Variants in SYCP1 observed in about 807,000 individuals in gnomAD.
The protein encoded by SYCP1 is cancer/testis antigen 8.
Under a neutral mutation model 153.1 loss-of-function variants are expected in SYCP1, and 64 were observed. That is an observed-to-expected ratio of 0.42 (90% CI 0.34 to 0.51). The LOEUF is 0.51. Among genes scored for constraint, SYCP1 ranks in the 20% least tolerant of loss-of-function variants. The pLI, the probability that SYCP1 is intolerant of heterozygous loss-of-function variation, is 0.06. For synonymous variants in SYCP1, 384 were observed against 341.8 expected, an observed-to-expected ratio of 1.12 and a Z score of -1.36; for missense variants, 997 against 1,049.0, an observed-to-expected ratio of 0.95 and a Z score of 0.68.
At chr1:114,875,822 A>C (rs1665491241) in intron 9 of SYCP1, among the ~76,000 whole-genome samples, 1 of 152,190 alleles carries the variant, frequency 6.6e-6, no homozygotes, top group African/African-American at 2.4e-5. Context: ...CTGGTGTACC[A>C]ACAATCCATT....
intron 1 of SYCP1, 26 bp from the exon 2 acceptor site, chr1:114,855,415 C>A: frequency 1.5e-6 from 2 of 1,352,008 alleles, no homozygotes; most frequent in Non-Finnish European, 1.9e-6. Context: ...AACTTTCCTT[C>A]CCCTCCCGCC....
Position 114,910,520 on chromosome 1 carries a change from T to A in SYCP1, c.1425+19T>A. On this transcript the variant is annotated intron_variant, in intron 17 of 31. Transcript: ENST00000369522. ...CAGAGAGGTTTGTTTAAGGAAACAT[T>A]TTTATTTTAAATATTTTGTTAATAG... 6.9e-7 allele frequency: 1 copy of A among 1,442,258 alleles called. No individual in the cohort carries two copies. Among genetic ancestry groups the A allele is most frequent in the Non-Finnish European group, 9.3e-7 (1 of 1,071,680 alleles). The allele number at this position is 1,442,258 out of a possible 1,614,324, so 89.3% of individuals were successfully genotyped here.
At chr1:114,916,786 AT>A (rs1171358647) in intron 20 of SYCP1, among the ~76,000 whole-genome samples, 1 of 151,666 alleles carries the variant, frequency 6.6e-6, no homozygotes, top group Admixed American at 6.6e-5. Context: ...AAAGGTTTCA[AT>A]TTTTTATTAA....
intron 23 of SYCP1, among the ~76,000 whole-genome samples, chr1:114,929,694 C>G (rs980081428): frequency 1.3e-5 from 2 of 151,652 alleles, no homozygotes; most frequent in Non-Finnish European, 2.9e-5. Flanking sequence ...ATCTTTGCAC[C>G]TAATAATAAA....
chr1:114,979,671 G>C (rs1673027979), intron 28 of SYCP1, among the ~76,000 whole-genome samples: 1 of 151,720 alleles, frequency 6.6e-6, no homozygotes, highest in East Asian at 1.9e-4. Context: ...TAGGGAAAAG[G>C]ATACAGAAAT....
At chr1:114,989,116 A>G (rs1673734468) in intron 30 of SYCP1, among the ~76,000 whole-genome samples, 1 of 151,970 alleles carries the variant, frequency 6.6e-6, no homozygotes, top group South Asian at 2.1e-4. Context: ...GCAGTGAGCC[A>G]TAATCACACC....
At chr1:114,967,309 A>G (rs754506824) in intron 27 of SYCP1, among the ~76,000 whole-genome samples, 6 of 152,142 alleles carry the variant, frequency 3.9e-5, no homozygotes, top group Non-Finnish European at 5.9e-5. Context: ...GTGGGAGTCT[A>G]AGTCTCTTTG....
At chr1:114,990,013 T>C (rs1326973128) in intron 30 of SYCP1, among the ~76,000 whole-genome samples, 1 of 151,896 alleles carries the variant, frequency 6.6e-6, no homozygotes, top group East Asian at 1.9e-4. Flanking sequence ...CTAACAGACA[T>C]GTATAACATT....
intron 20 of SYCP1, among the ~76,000 whole-genome samples, chr1:114,914,853 T>C (rs1467458779): frequency 6.6e-6 from 1 of 152,048 alleles, no homozygotes; most frequent in African/African-American, 2.4e-5. Flanking sequence ...TACAATACAA[T>C]CTAGATGATG....
At chr1:114,962,636 T>C (rs899560392) in intron 27 of SYCP1, among the ~76,000 whole-genome samples, 1 of 152,186 alleles carries the variant, frequency 6.6e-6, no homozygotes, top group African/African-American at 2.4e-5. Flanking sequence ...TCTGTATCTT[T>C]TAAGTGGAGC....
chr1:114,885,496 T>C (rs1328188000), intron 12 of SYCP1, 39 bp from the exon 13 acceptor site: 5 of 1,197,684 alleles, frequency 4.2e-6, no homozygotes, highest in Non-Finnish European at 6.0e-6. Context: ...GGTATATATC[T>C]TCTGCTAAGT....
chr1:114,879,443 A>AT (rs1461741747), intron 12 of SYCP1, among the ~76,000 whole-genome samples: 1 of 152,108 alleles, frequency 6.6e-6, no homozygotes, highest in Non-Finnish European at 1.5e-5. Flanking sequence ...ATCCCACCCC[A>AT]TGCTTTTGGC....
chr1:114,883,500 G>A (rs1666089356), intron 12 of SYCP1, among the ~76,000 whole-genome samples: 1 of 152,116 alleles, frequency 6.6e-6, no homozygotes, highest in South Asian at 2.1e-4. Flanking sequence ...CAGTATATTA[G>A]GCCTGAAGAA....
chr1:114,982,103 A>G (rs999274678), intron 29 of SYCP1, among the ~76,000 whole-genome samples: 3 of 152,008 alleles, frequency 2.0e-5, no homozygotes, highest in African/African-American at 7.2e-5. Flanking sequence ...CAGATGCTTT[A>G]CTTTTGATCT....
rs962608946 is a variant in SYCP1, at chr1:114,885,491, A to G, written c.911-44A>G. On this transcript the variant is annotated intron_variant, in intron 12 of 31. Coordinates refer to ENST00000369522, the MANE Select transcript of SYCP1 (RefSeq NM_003176.4). ...AAATAATACTTAGTTTTCTTGGTAT[A>G]TATCTTCTGCTAAGTACTATCTATT... 3.5e-6 allele frequency: 4 copies of G among 1,140,368 alleles called. No homozygotes were observed. In the East Asian group the frequency reaches 7.8e-5, roughly 22 times the overall value. 70.6% of individuals were successfully genotyped at this position (1,140,368 alleles called of 1,614,324 possible).
chr1:114,977,816 GAGA>G (rs1672901356), intron 28 of SYCP1, 200 bp downstream of exon 28: 2 of 350,406 alleles, frequency 5.7e-6, no homozygotes, highest in Non-Finnish European at 1.1e-5. Flanking sequence ...TGGAGATTTG[GAGA>G]AGGTTTCAGT....
In SYCP1 at chr1:114,929,401, A is replaced by C. The variant is rs551872590; in HGVS notation, c.1926+2838A>C. Among the ~76,000 whole-genome samples the C allele has an allele frequency of 4.6e-5, 7 of 152,228 alleles. No homozygotes were observed. In the East Asian group the frequency reaches 1.3e-3, roughly 29 times the overall value. Reference sequence around the variant, plus strand: ...ACAAATGTTTTAATAAAAAGGCAGAAATGGTCATGCTAGATTAAAAAAATC... The same window carrying C: ...ACAAATGTTTTAATAAAAAGGCAGACATGGTCATGCTAGATTAAAAAAATC... On this transcript the variant is annotated intron_variant, in intron 23 of 31. Coordinates refer to ENST00000369522, the MANE Select transcript of SYCP1 (RefSeq NM_003176.4).
At chr1:114,942,789 TA>T in intron 23 of SYCP1, among the ~76,000 whole-genome samples, 1 of 151,932 alleles carries the variant, frequency 6.6e-6, no homozygotes, top group South Asian at 2.1e-4. Flanking sequence ...TAAATAAGAT[TA>T]AAAAACACAA....
intron 16 of SYCP1, among the ~76,000 whole-genome samples, chr1:114,905,688 T>C (rs1252556647): frequency 3.3e-5 from 5 of 152,196 alleles, no homozygotes; most frequent in Non-Finnish European, 7.3e-5. Flanking sequence ...TAGAATTCTC[T>C]AGTGAAACCA....
Sources: gnomAD v4.1 joint callset for allele counts (sites outside exome capture counted in the v4.1 genomes callset) on GRCh38, gnomAD v4.1.1 for gene constraint, MANE v1.5 for transcripts, NCBI Gene and HGNC (gene_info 2026-07-23, HGNC 2026-07-21) for gene names.